The following FLI1 variants were observed in gnomAD, a reference collection of about 807,000 sequenced individuals.
FLI1 encodes the protein Friend leukemia integration 1 transcription factor.
A neutral mutation model predicts 53.1 loss-of-function variants in FLI1; 13 were observed. The observed-to-expected ratio is 0.24, with a 90% CI of 0.16 to 0.39. The LOEUF is 0.39. Ranked by LOEUF, FLI1 falls within the 10% of genes least tolerant of loss-of-function variation. The pLI is 1.00. For synonymous variants in FLI1, 244 were observed against 236.7 expected, an observed-to-expected ratio of 1.03 and a Z score of -0.28; for missense variants, 424 against 600.5, an observed-to-expected ratio of 0.71 and a Z score of 3.07.
At chr11:128,808,241 G>A (rs995644597) in intron 7 of FLI1, among the ~76,000 whole-genome samples, 1 of 152,082 alleles carries the variant, frequency 6.6e-6, no homozygotes, top group Non-Finnish European at 1.5e-5. Flanking sequence ...ACTTTTGAAG[G>A]TAATTTATGG....
intron 1 of FLI1, among the ~76,000 whole-genome samples, chr11:128,722,730 C>A (rs1939304701): frequency 6.6e-6 from 1 of 152,160 alleles, no homozygotes; most frequent in Non-Finnish European, 1.5e-5. Context: ...GGTAAAGTCC[C>A]TTTGGGAAAG....
At chr11:128,722,778 C>T (rs1374066628) in intron 1 of FLI1, among the ~76,000 whole-genome samples, 1 of 152,158 alleles carries the variant, frequency 6.6e-6, no homozygotes, top group Non-Finnish European at 1.5e-5. Context: ...GGCCAGTGTG[C>T]AGAAAAGCCG....
At chr11:128,698,420 C>T (rs1425335133) in intron 1 of FLI1, among the ~76,000 whole-genome samples, 2 of 152,194 alleles carry the variant, frequency 1.3e-5, no homozygotes, top group Non-Finnish European at 2.9e-5. Context: ...CACCAAAAGG[C>T]TTCCTTCCAG....
intron 5 of FLI1, among the ~76,000 whole-genome samples, chr11:128,789,132 G>A (rs1942189007): frequency 1.3e-5 from 2 of 152,198 alleles, no homozygotes. Context: ...AGGGAAGGAG[G>A]AAGGCACCAA....
At chr11:128,781,703 G>A (rs1332674753) in intron 4 of FLI1, among the ~76,000 whole-genome samples, 2 of 152,126 alleles carry the variant, frequency 1.3e-5, no homozygotes, top group African/African-American at 2.4e-5. Context: ...CAGCTTAGGG[G>A]GCGTGGTGTT....
intron 4 of FLI1, 22 bp from the exon 5 acceptor site, chr11:128,781,936 C>T (rs372927906): frequency 1.3e-4 from 205 of 1,604,368 alleles, no homozygotes; most frequent in Non-Finnish European, 1.7e-4. Flanking sequence ...TGGTTATAAC[C>T]TGTTTATGTT....
intron 2 of FLI1, among the ~76,000 whole-genome samples, chr11:128,759,982 C>T (rs976806995): frequency 6.6e-6 from 1 of 152,114 alleles, no homozygotes; most frequent in Non-Finnish European, 1.5e-5. Context: ...AACTGCCAGG[C>T]CTACCACATT....
In FLI1 at chr11:128,807,162, C is replaced by A. The variant is rs1421510095; in HGVS notation, c.722-18C>A. 2.5e-6 allele frequency: 4 copies of A among 1,577,420 alleles called. No homozygotes were observed. The highest frequency in any genetic ancestry group is 2.7e-5 in the African/African-American group (2 of 73,578). ...GAGCTGGGTCCTACTCACTGCATTT[C>A]TTTCCCTCTTGCCACAGGTCCTCCC... On this transcript the variant is annotated intron_variant, in intron 6 of 8. Transcript: ENST00000527786.
intron 2 of FLI1, 121 bp downstream of exon 2, chr11:128,758,447 C>G (rs140111384): frequency 0.027 from 21,179 of 773,324 alleles, 424 homozygotes; most frequent in South Asian, 0.066. Flanking sequence ...GGCCAGGAAG[C>G]CTGTGTCAGT....
chr11:128,791,620 TA>T (rs927268693), intron 5 of FLI1, among the ~76,000 whole-genome samples: 1 of 152,230 alleles, frequency 6.6e-6, no homozygotes, highest in African/African-American at 2.4e-5. Context: ...GGTGTAGAAC[TA>T]ACCCTTTGAG....
rs1942910160 is a variant in FLI1 at position 128,810,509 on chromosome 11, A to G, written c.880A>G (p.Ser294Gly). 3 of 1,607,526 alleles carry G rather than the reference A, an allele frequency of 1.9e-6. No individual in the cohort carries two copies. The highest frequency in any genetic ancestry group is 2.5e-6 in the Non-Finnish European group (3 of 1,176,976). ...WQFLLELLSD[S>G]ANASCITWEG... ...ATTCCTCCTGGAGCTGCTCTCCGAC[A>G]GCGCCAACGCCAGCTGTATCACCTG... The change falls in exon 9 of 9, where the codon AGC becomes GGC. Residue 294 changes from serine to glycine, a missense_variant. Coordinates refer to ENST00000527786, the MANE Select transcript of FLI1 (RefSeq NM_002017.5). The surrounding 1 kb of genome is among the most constrained non-coding windows in gnomAD (Gnocchi z 6.6).
chr11:128,728,878 G>A (rs575378912), intron 1 of FLI1, among the ~76,000 whole-genome samples: 2 of 152,320 alleles, frequency 1.3e-5, no homozygotes, highest in Admixed American at 6.5e-5. Flanking sequence ...GTGGGGTGAA[G>A]GAAATGAGAG....
intron 1 of FLI1, among the ~76,000 whole-genome samples, chr11:128,718,941 C>G (rs1052491529): frequency 1.3e-5 from 2 of 152,196 alleles, no homozygotes; most frequent in African/African-American, 4.8e-5. Flanking sequence ...GGACTTCCTG[C>G]TTTTAGCCTA....
At chr11:128,727,957 C>T (rs1021346732) in intron 1 of FLI1, among the ~76,000 whole-genome samples, 6 of 152,218 alleles carry the variant, frequency 3.9e-5, no homozygotes, top group African/African-American at 7.2e-5. Flanking sequence ...TGTCCCACAC[C>T]GGCCAGAAGT....
intron 4 of FLI1, among the ~76,000 whole-genome samples, chr11:128,781,485 T>C (rs1276709490): frequency 6.6e-6 from 1 of 152,224 alleles, no homozygotes; most frequent in African/African-American, 2.4e-5. Flanking sequence ...AGCCAAAATA[T>C]TTACTATCTC....
chr11:128,776,546 G>A (rs564340933), intron 4 of FLI1, among the ~76,000 whole-genome samples: 2 of 152,330 alleles, frequency 1.3e-5, no homozygotes, highest in South Asian at 2.1e-4. Context: ...AGCTACTTGG[G>A]AGGCTGAGGC....
intron 5 of FLI1, among the ~76,000 whole-genome samples, chr11:128,799,058 C>CTTTTTTTTTTTTTTTT (rs1942544964): frequency 1.9e-5 from 2 of 102,750 alleles, no homozygotes; most frequent in African/African-American, 7.8e-5. Flanking sequence ...TATTATTTTG[C>CTTTTTTTTTTTTTTTT]TTTGGAGACA....
intron 1 of FLI1, among the ~76,000 whole-genome samples, chr11:128,725,234 T>G (rs1168118336): frequency 1.3e-5 from 2 of 152,228 alleles, no homozygotes. Context: ...ACCTGTTAGG[T>G]GAGCCTGAAG....
Position 128,740,024 on chromosome 11 carries a change from C to T in FLI1, c.19-18091C>T, listed in dbSNP as rs553106230. ...TGAGGGACACATGGGCCTTGGTTCA[C>T]GTGCCCTAATATTGGTAGGGAATAG... On this transcript the variant is annotated intron_variant, in intron 1 of 8. Transcript: ENST00000527786. Among the ~76,000 whole-genome samples, 6 of 152,328 alleles carry T rather than the reference C, an allele frequency of 3.9e-5. No individual in the cohort carries two copies. In the South Asian group the frequency reaches 1.0e-3, roughly 26 times the overall value.
Sources: gnomAD v4.1 joint callset for allele counts (sites outside exome capture counted in the v4.1 genomes callset) on GRCh38, gnomAD v4.1.1 for gene constraint, Gnocchi (gnomAD v3.1) non-coding constraint, MANE v1.5 for transcripts, NCBI Gene and HGNC (gene_info 2026-07-23, HGNC 2026-07-21) for gene names.